SDK1: variants seen among roughly 807,000 people sequenced by gnomAD.
SDK1 encodes the protein protein sidekick-1.
A neutral mutation model predicts 245.5 loss-of-function variants in SDK1; 157 were observed. The ratio of observed to expected loss-of-function variants is 0.64; its 90% CI spans 0.56 to 0.73. SDK1 has a LOEUF of 0.73. SDK1 is among the 30% of genes least tolerant of loss of function. SDK1 has a pLI of 0.00. For synonymous variants in SDK1, 1,647 were observed against 1,278.5 expected, an observed-to-expected ratio of 1.29 and a Z score of -6.15; for missense variants, 3,583 against 3,002.3, an observed-to-expected ratio of 1.19 and a Z score of -4.52.
chr7:4,072,929 C>T lies in SDK1; in HGVS notation c.3011-4069C>T, dbSNP rs964790913. 5.3e-5 allele frequency among the ~76,000 whole-genome samples: 8 copies of T among 152,358 alleles called. No homozygotes were observed. In the East Asian group the frequency reaches 5.8e-4, roughly 11 times the overall value. ...CTGCCCGAGTAAATTGCCCATTGCCCGCTCATTGTAAATTTCAGCGTCCTC... is the reference window on the plus strand; with the variant it reads ...CTGCCCGAGTAAATTGCCCATTGCCTGCTCATTGTAAATTTCAGCGTCCTC... On this transcript the variant is annotated intron_variant, in intron 20 of 44. Coordinates refer to ENST00000404826, the MANE Select transcript of SDK1 (RefSeq NM_152744.4).
intron 25 of SDK1, 98 bp downstream of exon 25, chr7:4,114,372 C>G: frequency 1.1e-6 from 1 of 921,094 alleles, no homozygotes; most frequent in Non-Finnish European, 1.6e-6. Context: ...GTCTCATTGG[C>G]CTGTCCCACT....
At chr7:3,329,261 CTT>C (rs1191132873) in intron 1 of SDK1, among the ~76,000 whole-genome samples, 2 of 152,136 alleles carry the variant, frequency 1.3e-5, no homozygotes, top group Non-Finnish European at 1.5e-5. Flanking sequence ...ATGAGGCACT[CTT>C]TGATGACTCT....
intron 1 of SDK1, among the ~76,000 whole-genome samples, chr7:3,422,981 G>A (rs1489687028): frequency 3.3e-5 from 5 of 152,188 alleles, no homozygotes; most frequent in African/African-American, 1.2e-4. Context: ...CCTGTAGAAT[G>A]TGTAATGAAC....
At chr7:3,417,078 G>T (rs1206605721) in intron 1 of SDK1, among the ~76,000 whole-genome samples, 1 of 152,126 alleles carries the variant, frequency 6.6e-6, no homozygotes, top group Non-Finnish European at 1.5e-5. Flanking sequence ...GAAGGCTGAG[G>T]CAGGAGAATC....
intron 1 of SDK1, among the ~76,000 whole-genome samples, chr7:3,480,030 A>G (rs764406297): frequency 1.3e-5 from 2 of 152,176 alleles, no homozygotes; most frequent in African/African-American, 2.4e-5. Flanking sequence ...CTACATCCCA[A>G]TCGTCAGAAC....
At chr7:3,523,634 C>G (rs1424701860) in intron 1 of SDK1, among the ~76,000 whole-genome samples, 1 of 152,098 alleles carries the variant, frequency 6.6e-6, no homozygotes, top group Non-Finnish European at 1.5e-5. Context: ...TTTGTGATAC[C>G]TCAATGGGCA....
At chr7:3,746,985 T>G (rs1419554974) in intron 4 of SDK1, among the ~76,000 whole-genome samples, 1 of 152,222 alleles carries the variant, frequency 6.6e-6, no homozygotes, top group Non-Finnish European at 1.5e-5. Context: ...AGCTATAGAC[T>G]TACAAAATGC....
At chr7:3,932,966 T>G (rs1471791607) in intron 5 of SDK1, among the ~76,000 whole-genome samples, 1 of 150,476 alleles carries the variant, frequency 6.6e-6, no homozygotes, top group Non-Finnish European at 1.5e-5. Flanking sequence ...CTCAGGACAG[T>G]GAATCCCCAA....
At chr7:3,879,501 G>C (rs757280389) in intron 5 of SDK1, among the ~76,000 whole-genome samples, 1 of 152,106 alleles carries the variant, frequency 6.6e-6, no homozygotes, top group Non-Finnish European at 1.5e-5. Context: ...TGGACCCCAC[G>C]CCCTTTTCAA....
intron 17 of SDK1, among the ~76,000 whole-genome samples, chr7:4,019,728 TG>T (rs989937824): frequency 6.6e-6 from 1 of 151,992 alleles, no homozygotes; most frequent in Non-Finnish European, 1.5e-5. Context: ...TGTTTGACAT[TG>T]GGGGTTGGTA....
intron 19 of SDK1, among the ~76,000 whole-genome samples, chr7:4,060,648 A>G (rs1389941408): frequency 6.6e-6 from 1 of 152,064 alleles, no homozygotes; most frequent in Non-Finnish European, 1.5e-5. Context: ...TAGTTTAATT[A>G]GATCCCATTT....
At chr7:4,032,783 A>G (rs2342495) in intron 17 of SDK1, among the ~76,000 whole-genome samples, 37,051 of 151,972 alleles carry the variant, frequency 0.24, 6,350 homozygotes, top group African/African-American at 0.5. Context: ...AATAGCAAAC[A>G]CATACGAAGA....
At chr7:3,515,002 A>G (rs1057068051) in intron 1 of SDK1, among the ~76,000 whole-genome samples, 4 of 152,194 alleles carry the variant, frequency 2.6e-5, no homozygotes, top group Non-Finnish European at 4.4e-5. Context: ...TAAAGTTTTC[A>G]TAATGAGGCA....
At chr7:3,513,455 A>G (rs1397156405) in intron 1 of SDK1, among the ~76,000 whole-genome samples, 1 of 152,180 alleles carries the variant, frequency 6.6e-6, no homozygotes, top group Admixed American at 6.6e-5. Context: ...AACTTTTTGG[A>G]TGATGTTTTT....
intron 28 of SDK1, among the ~76,000 whole-genome samples, chr7:4,135,677 C>T (rs1040494158): frequency 2.0e-5 from 3 of 152,202 alleles, no homozygotes; most frequent in African/African-American, 7.2e-5. Flanking sequence ...GCCTCAGTTT[C>T]CCCATCCCTC....
intron 4 of SDK1, among the ~76,000 whole-genome samples, chr7:3,669,562 T>A (rs1333407455): frequency 6.6e-6 from 1 of 152,180 alleles, no homozygotes; most frequent in Non-Finnish European, 1.5e-5. Flanking sequence ...CTGGCTCTCT[T>A]CTTCTTAGAC....
At chr7:4,196,990 C>T (rs1421459376) in intron 35 of SDK1, among the ~76,000 whole-genome samples, 1 of 152,236 alleles carries the variant, frequency 6.6e-6, no homozygotes, top group African/African-American at 2.4e-5. Flanking sequence ...AGCCTTGCTT[C>T]CTGTTGGAGC....
intron 5 of SDK1, among the ~76,000 whole-genome samples, chr7:3,935,617 A>G (rs1780132089): frequency 6.6e-6 from 1 of 152,348 alleles, no homozygotes; most frequent in South Asian, 2.1e-4. Context: ...TGGTAAGCAC[A>G]TGAAAAAATA....
At chr7:3,677,100 A>G in intron 4 of SDK1, among the ~76,000 whole-genome samples, 1 of 152,000 alleles carries the variant, frequency 6.6e-6, no homozygotes, top group East Asian at 1.9e-4. Context: ...ACTTTTTTCA[A>G]ATATCCTTTT....
Sources: gnomAD v4.1 joint callset for allele counts (sites outside exome capture counted in the v4.1 genomes callset) on GRCh38, gnomAD v4.1.1 for gene constraint, MANE v1.5 for transcripts, NCBI Gene and HGNC (gene_info 2026-07-23, HGNC 2026-07-21) for gene names.